The following STAU2 variants were observed in gnomAD, a reference collection of about 807,000 sequenced individuals.
STAU2 encodes the protein double-stranded RNA-binding protein Staufen homolog 2.
In STAU2, 20 loss-of-function variants were observed where a neutral mutation model predicts 65.9. The observed-to-expected ratio is 0.30, with a 90% CI of 0.21 to 0.44. The LOEUF (loss-of-function observed/expected upper bound fraction) is 0.44. STAU2 is among the 20% of genes least tolerant of loss of function. The pLI, the probability that STAU2 is intolerant of heterozygous loss-of-function variation, is 1.00. For missense variants in STAU2, 558 were observed against 683.9 expected (o/e 0.82, Z 2.05); for synonymous variants, 232 against 233.9 (o/e 0.99, Z 0.07).
At chr8:73,465,501 ATC>A (rs1411275889) in intron 13 of STAU2, among the ~76,000 whole-genome samples, 1 of 152,228 alleles carries the variant, frequency 6.6e-6, no homozygotes, top group Admixed American at 6.5e-5. Flanking sequence ...CAAACTAATT[ATC>A]TCTTTCTAAC....
In STAU2 at chr8:73,515,983, G is replaced by T. The variant is rs1217499361; in HGVS notation, c.1530+36029C>A. 2.8e-4 allele frequency among the ~76,000 whole-genome samples: 42 copies of T among 149,630 alleles called. 1 individual carries two copies. Among genetic ancestry groups the T allele is most frequent in the Admixed American group, 2.6e-3 (39 of 15,004 alleles). ...GAGTCTTGCTCTGTCACCCAGGTTG[G>T]AGTGCAGTGATGTGATCATGACTCA... On this transcript the variant is annotated intron_variant, in intron 13 of 14. Coordinates refer to ENST00000524300, the MANE Select transcript of STAU2 (RefSeq NM_001164380.2).
intron 13 of STAU2, among the ~76,000 whole-genome samples, chr8:73,506,652 G>A (rs1046505411): frequency 1.3e-5 from 2 of 152,086 alleles, no homozygotes; most frequent in South Asian, 2.1e-4. Context: ...AGACTGGGGT[G>A]GCTATGGTTA....
chr8:73,685,862 T>TAA (rs1818771893), intron 5 of STAU2, among the ~76,000 whole-genome samples: 1 of 152,184 alleles, frequency 6.6e-6, no homozygotes, highest in African/African-American at 2.4e-5. Flanking sequence ...CACATGTTTA[T>TAA]AGCAGCACAA....
intron 3 of STAU2, chr8:73,732,647 A>T (rs1204867022): frequency 6.6e-6 from 1 of 152,224 alleles, no homozygotes; most frequent in Non-Finnish European, 1.5e-5. Context: ...CCAGTCTTGG[A>T]AAGAAAAGTA....
At chr8:73,621,281 G>A (rs770835295) in intron 6 of STAU2, among the ~76,000 whole-genome samples, 1 of 152,084 alleles carries the variant, frequency 6.6e-6, no homozygotes, top group Non-Finnish European at 1.5e-5. Flanking sequence ...TTTTATAAGC[G>A]TCTGGCATTT....
chr8:73,716,873 G>A (rs1821287185), intron 3 of STAU2, among the ~76,000 whole-genome samples: 1 of 152,124 alleles, frequency 6.6e-6, no homozygotes, highest in South Asian at 2.1e-4. Flanking sequence ...GGAGGCCAAG[G>A]CAGGTGGATC....
At chr8:73,460,862 G>A (rs529489080) in intron 13 of STAU2, among the ~76,000 whole-genome samples, 59 of 152,230 alleles carry the variant, frequency 3.9e-4, no homozygotes, top group South Asian at 3.1e-3. Flanking sequence ...TTTCTCATAC[G>A]CTTCTGAGAG....
In STAU2 at chr8:73,688,710, G is replaced by A; in HGVS notation, c.218C>T (p.Ser73Phe). 1 of 1,614,156 alleles carries A rather than the reference G, an allele frequency of 6.2e-7. No individual in the cohort carries two copies. The highest frequency in any genetic ancestry group is 8.5e-7 in the Non-Finnish European group (1 of 1,180,034). The part of the protein sequence containing the change: ...QAVANKALTE[S>F]TLPKPVQKPP... ...CTTCTGAACTGGTTTGGGAAGCGTA[G>A]ATTCAGTCAAAGCTTTATTGGCAAC... is the stretch of plus-strand genomic sequence containing the variant. Residue 73 changes from serine to phenylalanine, a missense_variant, in exon 5 of 15, where the codon TCT (serine) becomes TTT (phenylalanine). By Grantham distance (155) the Ser-to-Phe change is radical. This residue lies in a region of STAU2 where 112 missense variants were observed against 114.2 expected (regional missense o/e 0.98). Transcript: ENST00000524300.
At chr8:73,505,098 T>C (rs1325176634) in intron 13 of STAU2, among the ~76,000 whole-genome samples, 1 of 152,038 alleles carries the variant, frequency 6.6e-6, no homozygotes, top group Non-Finnish European at 1.5e-5. Context: ...CACCAAATCA[T>C]CTCTGGAAGA....
At chr8:73,476,332 A>G (rs1381320701) in intron 13 of STAU2, among the ~76,000 whole-genome samples, 1 of 152,166 alleles carries the variant, frequency 6.6e-6, no homozygotes, top group African/African-American at 2.4e-5. Flanking sequence ...TTCAAGGACT[A>G]TTTACTTGCT....
intron 13 of STAU2, chr8:73,527,850 GA>G: frequency 8.4e-7 from 1 of 1,186,742 alleles, no homozygotes; most frequent in Non-Finnish European, 1.2e-6. Context: ...TTTCAGAGGG[GA>G]CAAGATGCAA....
intron 13 of STAU2, among the ~76,000 whole-genome samples, chr8:73,495,509 C>T (rs977494214): frequency 2.0e-5 from 3 of 150,922 alleles, no homozygotes; most frequent in Admixed American, 1.3e-4. Context: ...TTATTTAGTG[C>T]TTTATCTGCT....
intron 9 of STAU2, among the ~76,000 whole-genome samples, chr8:73,612,511 A>G (rs2129827316): frequency 6.6e-6 from 1 of 152,160 alleles, no homozygotes; most frequent in East Asian, 1.9e-4. Context: ...CTTTGGAACC[A>G]CTATGACTCA....
intron 5 of STAU2, among the ~76,000 whole-genome samples, chr8:73,676,582 A>ATTTTGT (rs1485574096): frequency 6.6e-6 from 1 of 152,086 alleles, no homozygotes; most frequent in Non-Finnish European, 1.5e-5. Flanking sequence ...CTAAACAAGA[A>ATTTTGT]TTTTGTTTTT....
chr8:73,688,524 G>A (rs1378704155), intron 5 of STAU2, 130 bp downstream of exon 5: 4 of 764,650 alleles, frequency 5.2e-6, no homozygotes, highest in East Asian at 2.7e-5. Flanking sequence ...GTGTGTGTGT[G>A]TGTGTGTAGG....
At chr8:73,462,711 A>C (rs892569258) in intron 13 of STAU2, among the ~76,000 whole-genome samples, 2 of 152,146 alleles carry the variant, frequency 1.3e-5, no homozygotes, top group African/African-American at 2.4e-5. Flanking sequence ...AAACATTATA[A>C]ACCTAAAAAA....
chr8:73,457,220 C>T (rs957700415), intron 13 of STAU2, among the ~76,000 whole-genome samples: 11 of 128,970 alleles, frequency 8.5e-5, no homozygotes, highest in African/African-American at 2.9e-4. Context: ...CTTAGAAACA[C>T]ACAGAAAGAA....
Position 73,451,203 on chromosome 8 carries a change from T to C in STAU2, c.1531-28501A>G, listed in dbSNP as rs902430594. 7.9e-5 allele frequency among the ~76,000 whole-genome samples: 12 copies of C among 152,222 alleles called. 1 individual carries two copies. The highest frequency in any genetic ancestry group is 4.4e-5 in the Non-Finnish European group (3 of 68,032). ...TTGTGCTTTCTACTTTTTGAAATGT[T>C]GTCTTGGCTCATCCCACTTGAACCT... On this transcript the variant is annotated intron_variant, in intron 13 of 14. Coordinates refer to ENST00000524300, the MANE Select transcript of STAU2 (RefSeq NM_001164380.2).
At chr8:73,566,523 C>T (rs7833461) in intron 12 of STAU2, among the ~76,000 whole-genome samples, 106,272 of 152,058 alleles carry the variant, frequency 0.7, 37,959 homozygotes, top group Non-Finnish European at 0.79. Flanking sequence ...CAAAAAAATG[C>T]GTACTTAATT....
Sources: gnomAD v4.1 joint callset for allele counts (sites outside exome capture counted in the v4.1 genomes callset) on GRCh38, gnomAD v4.1.1 for gene constraint, gnomAD v4.1.1 regional missense constraint, MANE v1.5 for transcripts, NCBI Gene and HGNC (gene_info 2026-07-23, HGNC 2026-07-21) for gene names.